The following FAM199X variants were observed in gnomAD, a reference collection of about 807,000 sequenced individuals.
FAM199X encodes the protein family with sequence similarity 199, X-linked, also known as protein FAM199X.
Under a neutral mutation model 22.9 loss-of-function variants are expected in FAM199X, and 4 were observed. The observed-to-expected ratio is 0.17, with a 90% CI of 0.09 to 0.40. The LOEUF (loss-of-function observed/expected upper bound fraction) is 0.40, where lower values mean the gene tolerates loss of function less well. FAM199X is among the 10% of genes least tolerant of loss of function. FAM199X has a pLI of 1.00. For missense variants in FAM199X, 183 were observed against 306.8 expected, an observed-to-expected ratio of 0.60 and a Z score of 3.01; for synonymous variants, 101 against 112.3, an observed-to-expected ratio of 0.90 and a Z score of 0.64.
At chrX:104,186,341 G>A (rs1921807029) in intron 3 of FAM199X, 119 bp from the exon 4 acceptor site, 1 of 1,063,160 alleles carries the variant, frequency 9.4e-7, no homozygotes, top group Admixed American at 2.9e-5. Flanking sequence ...GAGCTTTAAC[G>A]GTTTTTCAGG....
At chrX:104,169,877 A>G (rs1206062612) in intron 1 of FAM199X, among the ~76,000 whole-genome samples, 4 of 112,097 alleles carry the variant, frequency 3.6e-5, no homozygotes, top group East Asian at 2.8e-4. Flanking sequence ...CCAGTATTCA[A>G]ATTAAAGTCA....
Position 104,191,826 on chromosome X carries a change from A to G in FAM199X, c.*2048A>G, listed in dbSNP as rs1316796098. On this transcript the variant is annotated 3_prime_UTR_variant, in exon 6 of 6. Transcript: ENST00000493442. ...GATATAATTTAAGACCAATTCCCCT[A>G]CTCTCCCAATAATCACATAGTCTTA... The G allele has an allele frequency of 9.0e-6, 1 of 110,794 alleles. No homozygotes were observed. Among genetic ancestry groups the G allele is most frequent in the Admixed American group, 9.7e-5 (1 of 10,354 alleles). The allele number at this position is 110,794 out of a possible 1,213,427, so 9.1% of individuals were successfully genotyped here.
upstream of FAM199X, among the ~76,000 whole-genome samples, chrX:104,161,593 T>A (rs1921048234): frequency 1.8e-5 from 2 of 111,700 alleles, no homozygotes; most frequent in Non-Finnish European, 3.8e-5. Context: ...CTCACCCCTG[T>A]ACAATTTGGG....
chrX:104,189,379 G>A (rs782155069), intron 5 of FAM199X, among the ~76,000 whole-genome samples: 78 of 111,598 alleles, frequency 7.0e-4, no homozygotes, highest in Non-Finnish European at 1.2e-3. Flanking sequence ...CAAAATGATC[G>A]TCTCAACTCT....
At position 104,178,106 on chromosome X, in the gene FAM199X, G is replaced by T. The variant is rs183834107; in HGVS notation, c.417+2264G>T. 6.1e-3 allele frequency among the ~76,000 whole-genome samples: 682 copies of T among 111,276 alleles called. 4 individuals are homozygous for T. Among genetic ancestry groups the T allele is most frequent in the Non-Finnish European group, 8.5e-3 (450 of 52,985 alleles). On this transcript the variant is annotated intron_variant, in intron 2 of 5. Coordinates refer to ENST00000493442, the MANE Select transcript of FAM199X (RefSeq NM_207318.4). ...CTTTGACCATTTTGAGTTACTTTTT[G>T]TATATGATATGTAAGATAGGAGTCC...
chrX:104,166,686 C>G lies in FAM199X; in HGVS notation c.-100C>G. 6.5e-6 allele frequency: 5 copies of G among 771,964 alleles called. No homozygotes were observed. In the Admixed American group the frequency reaches 2.0e-4, roughly 31 times the overall value. The allele number at this position is 771,964 out of a possible 1,213,427, so 63.6% of individuals were successfully genotyped here. The stretch of plus-strand genomic sequence containing the variant: ...CCAGTGAGCTGCGACGGGCACACCC[C>G]GGAGCGTCGGCGACTGCGGACAGGT... On this transcript the variant is annotated 5_prime_UTR_variant, in exon 1 of 6. Coordinates refer to ENST00000493442, the MANE Select transcript of FAM199X (RefSeq NM_207318.4).
At chrX:104,179,206 A>G (rs1921576743) in intron 2 of FAM199X, among the ~76,000 whole-genome samples, 1 of 112,162 alleles carries the variant, frequency 8.9e-6, no homozygotes, top group South Asian at 3.7e-4. Flanking sequence ...TAGAGATCAC[A>G]TTGAATCTGT....
Position 104,166,503 on chromosome X carries a change from G to T in FAM199X, c.-283G>T. ...CGGGGCGGGCCTGGCCGGGCCGGGC[G>T]GCGGCGCTGCGCTGACGGGCTGAGT... On this transcript the variant is annotated 5_prime_UTR_variant, in exon 1 of 6. Transcript: ENST00000493442. 5.3e-6 allele frequency: 1 copy of T among 188,350 alleles called. No individual in the cohort carries two copies. The highest frequency in any genetic ancestry group is 2.5e-4 in the South Asian group (1 of 4,051). 15.5% of individuals were successfully genotyped at this position (188,350 alleles called of 1,213,427 possible).
chrX:104,172,466 A>G (rs1282851095), intron 1 of FAM199X, among the ~76,000 whole-genome samples: 3 of 110,628 alleles, frequency 2.7e-5, no homozygotes, highest in African/African-American at 9.9e-5. Context: ...CTTTACTAGT[A>G]AAAAATACTG....
chrX:104,172,427 A>T (rs782261980), intron 1 of FAM199X, among the ~76,000 whole-genome samples: 2 of 109,931 alleles, frequency 1.8e-5, no homozygotes, highest in South Asian at 7.8e-4. Context: ...CTCAAAAAAA[A>T]AAAAGGAAGA....
chrX:104,186,694 CAT>C, intron 4 of FAM199X, 73 bp downstream of exon 4: 1 of 975,205 alleles, frequency 1.0e-6, no homozygotes, highest in Non-Finnish European at 1.4e-6. Context: ...CTAAAATAAT[CAT>C]GTGTAAATAC....
chrX:104,167,127 C>T, intron 1 of FAM199X, 145 bp downstream of exon 1: 1 of 473,610 alleles, frequency 2.1e-6, no homozygotes, highest in Non-Finnish European at 3.2e-6. Context: ...CTTCCCTGCC[C>T]CCCCTCCCTA....
intron 1 of FAM199X, among the ~76,000 whole-genome samples, chrX:104,172,164 G>T (rs1430888836): frequency 9.3e-6 from 1 of 107,337 alleles, no homozygotes; most frequent in African/African-American, 3.4e-5. Context: ...CGCTTTGGAA[G>T]ACCAAGGTGG....
intron 1 of FAM199X, among the ~76,000 whole-genome samples, chrX:104,170,047 A>T (rs1913418478): frequency 8.9e-6 from 1 of 112,422 alleles, no homozygotes; most frequent in African/African-American, 3.2e-5. Flanking sequence ...AAAGTGAATG[A>T]ATTTTTTAAA....
upstream of FAM199X, among the ~76,000 whole-genome samples, chrX:104,166,167 G>A (rs1309321929): frequency 3.5e-5 from 4 of 112,929 alleles, no homozygotes; most frequent in African/African-American, 1.3e-4. Context: ...AGGGCATCTG[G>A]ATGTTTTCTC....
chrX:104,173,298 G>C (rs781855340), intron 1 of FAM199X, among the ~76,000 whole-genome samples: 1 of 111,845 alleles, frequency 8.9e-6, no homozygotes, highest in African/African-American at 3.2e-5. Context: ...GCGAGCATGT[G>C]ATGAAAGTAA....
rs1265225905 is a variant in FAM199X at position 104,194,512 on chromosome X, G to A, written c.*4734G>A. On this transcript the variant is annotated 3_prime_UTR_variant, in exon 6 of 6. Transcript: ENST00000493442. ...AGCTGACCTATTGGATTTAAACTGA[G>A]ACTGAAATTGACATTTGTGGTTAGG... 8.9e-6 allele frequency: 1 copy of A among 112,157 alleles called. No individual in the cohort carries two copies. The highest frequency in any genetic ancestry group is 3.2e-5 in the African/African-American group (1 of 30,981). The allele number at this position is 112,157 out of a possible 1,213,427, so 9.2% of individuals were successfully genotyped here.
chrX:104,188,355 G>A (rs1921854742), intron 5 of FAM199X, 49 bp downstream of exon 5: 2 of 1,159,965 alleles, frequency 1.7e-6, no homozygotes, highest in Non-Finnish European at 2.3e-6. Context: ...ATTAACATTA[G>A]TACTCCTTCA....
Position 104,166,468 on chromosome X carries a change from G to A in FAM199X, c.-318G>A, listed in dbSNP as rs1921187002. On this transcript the variant is annotated 5_prime_UTR_variant, in exon 1 of 6. Coordinates refer to ENST00000493442, the MANE Select transcript of FAM199X (RefSeq NM_207318.4). ...AGACTGCTGCAGTCGCAAGCGGCGAGCGCAGTGGGCGGGGCGGGCCTGGCC... is the reference window on the plus strand; with the variant it reads ...AGACTGCTGCAGTCGCAAGCGGCGAACGCAGTGGGCGGGGCGGGCCTGGCC... Among the ~76,000 whole-genome samples the A allele has an allele frequency of 8.9e-6, 1 of 112,554 alleles. No homozygotes were observed. The highest frequency in any genetic ancestry group is 3.6e-4 in the South Asian group (1 of 2,801).
Sources: allele counts gnomAD v4.1 joint callset (sites outside exome capture counted in the v4.1 genomes callset), GRCh38; gene constraint gnomAD v4.1.1; transcripts MANE v1.5; gene names NCBI Gene and HGNC (gene_info 2026-07-23, HGNC 2026-07-21).